Variants in SLC2A14 observed in about 807,000 individuals in gnomAD.
The protein encoded by SLC2A14 is solute carrier family 2, facilitated glucose transporter member 14.
Under a neutral mutation model 43.0 loss-of-function variants are expected in SLC2A14, and 13 were observed. That is an observed-to-expected ratio of 0.30 (90% CI 0.20 to 0.48). The LOEUF is 0.48. SLC2A14 is among the 20% of genes least tolerant of loss of function. The probability of loss-of-function intolerance (pLI) is 0.99; values close to 1 mark genes in which losing one functional copy is unlikely to be tolerated. For missense variants in SLC2A14, 428 were observed against 620.4 expected (o/e 0.69, Z 3.29); for synonymous variants, 190 against 233.8 (o/e 0.81, Z 1.71).
chr12:7,825,289 C>T (rs766360671), intron 7 of SLC2A14, among the ~76,000 whole-genome samples: 1 of 143,582 alleles, frequency 7.0e-6, no homozygotes, highest in Non-Finnish European at 1.6e-5. Flanking sequence ...GGTGAAAGCC[C>T]GTCTCTACTA....
At chr12:7,831,250 TTG>T (rs767849990) in intron 4 of SLC2A14, 142 of 56,626 alleles carry the variant, frequency 2.5e-3, no homozygotes, top group East Asian at 0.016. Context: ...GACCCCAGTT[TTG>T]TTTTTTTTTT....
chr12:7,886,181 T>C (rs1469710974), intron 1 of SLC2A14, among the ~76,000 whole-genome samples: 1 of 54,398 alleles, frequency 1.8e-5, no homozygotes, highest in Non-Finnish European at 3.5e-5. Flanking sequence ...TTTTTTTTTT[T>C]GAGACAAGGT....
intron 2 of SLC2A14, among the ~76,000 whole-genome samples, chr12:7,844,801 G>A (rs1866323025): frequency 6.6e-6 from 1 of 152,074 alleles, no homozygotes; most frequent in Admixed American, 6.6e-5. Flanking sequence ...CTCCCAAAGT[G>A]CTGGGATTAC....
chr12:7,817,506 C>T (rs910329021), intron 10 of SLC2A14, among the ~76,000 whole-genome samples: 1 of 151,860 alleles, frequency 6.6e-6, no homozygotes, highest in Non-Finnish European at 1.5e-5. Context: ...TGGTGGCTCA[C>T]GCCTGTAATC....
At chr12:7,830,029 C>A (rs1365400910) in intron 4 of SLC2A14, 23 bp from the exon 5 acceptor site, 9 of 1,613,226 alleles carry the variant, frequency 5.6e-6, no homozygotes, top group East Asian at 2.2e-5. Flanking sequence ...TCAAAGACAA[C>A]ATGGAATTAG....
At chr12:7,833,731 G>T (rs188855898) in intron 2 of SLC2A14, among the ~76,000 whole-genome samples, 1 of 150,954 alleles carries the variant, frequency 6.6e-6, no homozygotes, top group East Asian at 1.9e-4. Flanking sequence ...GCAGTGAGCC[G>T]AGACCGTGCC....
At chr12:7,848,943 T>C (rs1219277731) in intron 2 of SLC2A14, among the ~76,000 whole-genome samples, 1 of 150,838 alleles carries the variant, frequency 6.6e-6, no homozygotes, top group Non-Finnish European at 1.5e-5. Flanking sequence ...TGGACTCCGC[T>C]TCCCGGGTTC....
At chr12:7,842,374 C>G (rs778120694) in intron 2 of SLC2A14, among the ~76,000 whole-genome samples, 1 of 152,144 alleles carries the variant, frequency 6.6e-6, no homozygotes, top group Non-Finnish European at 1.5e-5. Context: ...GATTTCAACT[C>G]ATTTATGTAA....
chr12:7,856,627 T>A (rs184388600), intron 2 of SLC2A14, among the ~76,000 whole-genome samples: 2 of 152,174 alleles, frequency 1.3e-5, no homozygotes, highest in Admixed American at 1.3e-4. Flanking sequence ...AAGAGCACTA[T>A]TGACGGCATC....
upstream of SLC2A14, among the ~76,000 whole-genome samples, chr12:7,874,717 T>A (rs1216729880): frequency 4.3e-5 from 4 of 92,576 alleles, no homozygotes; most frequent in African/African-American, 1.6e-4. Flanking sequence ...AATATGTATA[T>A]AAATATATAA....
intron 1 of SLC2A14, among the ~76,000 whole-genome samples, chr12:7,889,454 G>A (rs1006649172): frequency 6.6e-6 from 1 of 150,798 alleles, no homozygotes. Context: ...GGCTGTTCTC[G>A]AACTCCTGAC....
chr12:7,823,922 A>T (rs1288631505), intron 7 of SLC2A14, among the ~76,000 whole-genome samples: 19 of 152,152 alleles, frequency 1.2e-4, no homozygotes, highest in Admixed American at 9.2e-4. Context: ...AATCCCTAAG[A>T]TGTAAGATGT....
At chr12:7,829,432 C>T (rs1022521259) in intron 5 of SLC2A14, among the ~76,000 whole-genome samples, 1 of 151,398 alleles carries the variant, frequency 6.6e-6, no homozygotes, top group African/African-American at 2.4e-5. Context: ...TGGTGGTGCA[C>T]ACCTGTAATC....
chr12:7,827,455 A>G lies in SLC2A14; in HGVS notation c.864+40T>C, dbSNP rs768256783. On this transcript the variant is annotated intron_variant, in intron 7 of 10. Coordinates refer to ENST00000431042, the MANE Select transcript of SLC2A14 (RefSeq NM_001286234.2). The stretch of plus-strand genomic sequence containing the variant: ...CACCATGCCTGGCATTTTAAGTGAA[A>G]TATTGTAAGACACGTTTGACCCTAA... 4 of 1,598,752 alleles carry G rather than the reference A, an allele frequency of 2.5e-6. No individual in the cohort carries two copies. The South Asian group carries it at 3.4e-5, about 13-fold the overall frequency.
upstream of SLC2A14, among the ~76,000 whole-genome samples, chr12:7,875,193 AT>A (rs1351394665): frequency 1.5e-5 from 2 of 136,206 alleles, no homozygotes; most frequent in African/African-American, 2.7e-5. Flanking sequence ...ATATAAATAT[AT>A]TAAAATATAT....
intron 1 of SLC2A14, among the ~76,000 whole-genome samples, chr12:7,882,881 A>G (rs1490088130): frequency 1.3e-5 from 1 of 79,444 alleles, no homozygotes; most frequent in Non-Finnish European, 3.1e-5. Context: ...TTGTTTCTCA[A>G]TTCAAGTTTA....
chr12:7,831,744 A>T lies in SLC2A14; in HGVS notation c.132T>A (p.Asn44Lys). Residue 44 changes from asparagine (N) to lysine (K), a missense_variant, in exon 4 of 11, where the codon AAT becomes AAA. Physicochemically the swap from Asn to Lys is moderately conservative, Grantham distance 94. Transcript: ENST00000431042. ...APETIIKEFINKTLTDKANAP... is the reference protein window; with the variant it reads ...APETIIKEFIKKTLTDKANAP... Reference sequence around the variant, plus strand: ...CATTTGCCTTGTCCGTCAAAGTTTTATTGATAAATTCCTTTATGATCTGCA... The same window carrying T: ...CATTTGCCTTGTCCGTCAAAGTTTTTTTGATAAATTCCTTTATGATCTGCA... 6.2e-7 allele frequency: 1 copy of T among 1,614,238 alleles called. No homozygotes were observed. Among genetic ancestry groups the T allele is most frequent in the Non-Finnish European group, 8.5e-7 (1 of 1,180,050 alleles).
chr12:7,885,181 C>T (rs1945667916), intron 1 of SLC2A14, among the ~76,000 whole-genome samples: 2 of 152,072 alleles, frequency 1.3e-5, no homozygotes, highest in African/African-American at 4.8e-5. Context: ...AAAATAATAA[C>T]TAAAAAGAGC....
chr12:7,828,554 A>G lies in SLC2A14; in HGVS notation c.676+150T>C, dbSNP rs955930834. On this transcript the variant is annotated intron_variant, in intron 6 of 10. Transcript: ENST00000431042. ...ACAGCATGAGATTCTGTCTCAAAAA[A>G]AGAAAAAACAAAGTAGAGTAATCAG... 3 of 879,300 alleles carry G rather than the reference A, an allele frequency of 3.4e-6. No homozygotes were observed. The African/African-American group carries it at 5.1e-5, about 15-fold the overall frequency. The allele number at this position is 879,300 out of a possible 1,614,324, so 54.5% of individuals were successfully genotyped here. A position where few individuals can be genotyped will look rare whatever the true frequency, so the allele number is the denominator to read the frequency against.
Sources: allele counts gnomAD v4.1 joint callset (sites outside exome capture counted in the v4.1 genomes callset), GRCh38; gene constraint gnomAD v4.1.1; transcripts MANE v1.5; gene names NCBI Gene and HGNC (gene_info 2026-07-23, HGNC 2026-07-21).